Variants in XKR9 observed in about 807,000 individuals in gnomAD.
XKR9 encodes XK-related protein 9.
Under a neutral mutation model 32.0 loss-of-function variants are expected in XKR9, and 32 were observed. The ratio of observed to expected loss-of-function variants is 1.00; its 90% CI spans 0.76 to 1.34. The LOEUF (loss-of-function observed/expected upper bound fraction) is 1.34. Ranked by LOEUF, XKR9 falls within the 40% of genes most tolerant of loss-of-function variation. The pLI is 0.00. For synonymous variants in XKR9, 168 were observed against 143.4 expected (o/e 1.17, Z -1.22); for missense variants, 546 against 429.7 (o/e 1.27, Z -2.39).
At chr8:71,026,076 G>A in the XKR9 span, among the ~76,000 whole-genome samples, 1 of 152,088 alleles carries the variant, frequency 6.6e-6, no homozygotes, top group Admixed American at 6.5e-5. Flanking sequence ...TTCTTTATGG[G>A]AGATGCCAAA....
the XKR9 span, among the ~76,000 whole-genome samples, chr8:70,858,286 A>G: frequency 6.6e-6 from 1 of 152,192 alleles, no homozygotes. Flanking sequence ...TACAAAATCA[A>G]TGTGTAAAAA....
At chr8:70,687,124 G>A (rs1465149096) in intron 3 of XKR9, among the ~76,000 whole-genome samples, 4 of 151,998 alleles carry the variant, frequency 2.6e-5, no homozygotes, top group Non-Finnish European at 5.9e-5. Flanking sequence ...CGCTTCCCAG[G>A]CTCTGGTAAC....
At chr8:71,006,944 G>C in the XKR9 span, among the ~76,000 whole-genome samples, 4 of 152,258 alleles carry the variant, frequency 2.6e-5, no homozygotes, top group South Asian at 8.3e-4. Context: ...GTGGATGTAC[G>C]ATTCCTAAAA....
the XKR9 span, among the ~76,000 whole-genome samples, chr8:70,816,712 T>A: frequency 6.7e-6 from 1 of 150,064 alleles, no homozygotes; most frequent in South Asian, 2.1e-4. Flanking sequence ...CCGAAGAGAT[T>A]GGGCTAGATG....
rs1227941538 is a variant in XKR9, at chr8:70,715,717, GAAA to G, written c.493+8569_493+8571del. The stretch of plus-strand genomic sequence containing the variant: ...AAGATGATTCTAGAAGATTTGAGAG[GAAA>G]AAAAGTAATGTACTAAGGATAGAAA... On this transcript the variant is annotated intron_variant, in intron 4 of 4. Transcript: ENST00000408926. Among the ~76,000 whole-genome samples, 3 of 151,798 alleles carry G rather than the reference GAAA, an allele frequency of 2.0e-5. No homozygotes were observed. The South Asian group carries it at 6.2e-4, about 31-fold the overall frequency.
intron 2 of XKR9, among the ~76,000 whole-genome samples, chr8:70,753,999 T>C (rs1038478060): frequency 1.1e-4 from 16 of 146,162 alleles, no homozygotes; most frequent in Non-Finnish European, 1.1e-4. Context: ...ATGACATGAT[T>C]GTATATCTAG....
chr8:70,785,261 T>C (rs1199689431), intron 2 of XKR9, among the ~76,000 whole-genome samples: 6 of 151,968 alleles, frequency 3.9e-5, no homozygotes, highest in Non-Finnish European at 8.8e-5. Flanking sequence ...TAGGAATTTA[T>C]CAGTTTCTTT....
At chr8:70,980,831 T>C in the XKR9 span, among the ~76,000 whole-genome samples, 1 of 152,210 alleles carries the variant, frequency 6.6e-6, no homozygotes, top group Non-Finnish European at 1.5e-5. Flanking sequence ...AGTGCTGGCT[T>C]TGTAGTGGCA....
chr8:70,728,230 G>A (rs2132232411), intron 4 of XKR9, among the ~76,000 whole-genome samples: 1 of 152,254 alleles, frequency 6.6e-6, no homozygotes, highest in East Asian at 1.9e-4. Context: ...TTGCAATGGT[G>A]GTTTCAATCC....
the XKR9 span, among the ~76,000 whole-genome samples, chr8:70,945,939 A>C: frequency 6.6e-6 from 1 of 152,160 alleles, no homozygotes; most frequent in African/African-American, 2.4e-5. Flanking sequence ...GATAGAGACC[A>C]TCGTGGCCAA....
At chr8:70,797,819 T>C in the XKR9 span, among the ~76,000 whole-genome samples, 1 of 152,194 alleles carries the variant, frequency 6.6e-6, no homozygotes, top group South Asian at 2.1e-4. Context: ...GTTTTGTGTT[T>C]CTACATTAGT....
chr8:70,772,851 T>A (rs1807471060), intron 2 of XKR9, among the ~76,000 whole-genome samples: 2 of 152,290 alleles, frequency 1.3e-5, no homozygotes, highest in Admixed American at 1.3e-4. Context: ...TAGTTAGGTG[T>A]AAAGTAAAGG....
chr8:70,684,917 C>T (rs1586811320), intron 3 of XKR9, among the ~76,000 whole-genome samples: 1 of 147,442 alleles, frequency 6.8e-6, no homozygotes, highest in Non-Finnish European at 1.5e-5. Flanking sequence ...CTAGTTCAAC[C>T]ATTGTGGAAG....
At chr8:70,836,421 A>G in the XKR9 span, among the ~76,000 whole-genome samples, 3 of 151,974 alleles carry the variant, frequency 2.0e-5, no homozygotes, top group Non-Finnish European at 2.9e-5. Flanking sequence ...TCAGTTCTAG[A>G]TATAGGAAGT....
chr8:70,991,176 G>T, the XKR9 span, among the ~76,000 whole-genome samples: 151 of 152,234 alleles, frequency 9.9e-4, 5 homozygotes, highest in Admixed American at 8.5e-3. Flanking sequence ...CAGTTCTACT[G>T]TGTCTTGCTG....
At chr8:70,762,691 T>A (rs1807324497) in intron 2 of XKR9, among the ~76,000 whole-genome samples, 1 of 152,226 alleles carries the variant, frequency 6.6e-6, no homozygotes, top group South Asian at 2.1e-4. Context: ...TAGTTTCAGC[T>A]GTTCATGTCA....
intron 2 of XKR9, among the ~76,000 whole-genome samples, chr8:70,747,964 G>A (rs1318405864): frequency 2.0e-5 from 3 of 152,080 alleles, no homozygotes; most frequent in African/African-American, 7.2e-5. Flanking sequence ...GTGTTTTGTA[G>A]ACTGTGACTA....
the XKR9 span, among the ~76,000 whole-genome samples, chr8:70,847,508 CA>C: frequency 6.6e-6 from 1 of 150,968 alleles, no homozygotes; most frequent in South Asian, 2.1e-4. Flanking sequence ...AAAACAGAGA[CA>C]AAAAATACAA....
At chr8:70,690,531 G>A (rs1334563532) in intron 3 of XKR9, among the ~76,000 whole-genome samples, 1 of 148,776 alleles carries the variant, frequency 6.7e-6, no homozygotes, top group Non-Finnish European at 1.5e-5. Context: ...TAGTAGAGAT[G>A]GGGGTGGGGG....
Sources: allele counts gnomAD v4.1 joint callset (sites outside exome capture counted in the v4.1 genomes callset), GRCh38; gene constraint gnomAD v4.1.1; transcripts MANE v1.5; gene names NCBI Gene and HGNC (gene_info 2026-07-23, HGNC 2026-07-21).